The following RPS6KC1 variants were observed in gnomAD, a reference collection of about 807,000 sequenced individuals.
The protein encoded by RPS6KC1 is inactive ribosomal protein S6 kinase delta-1.
A neutral mutation model predicts 103.8 loss-of-function variants in RPS6KC1; 54 were observed. The observed-to-expected ratio is 0.52, with a 90% CI of 0.42 to 0.65. The LOEUF (loss-of-function observed/expected upper bound fraction) is 0.65, where lower values mean the gene tolerates loss of function less well. Among genes scored for constraint, RPS6KC1 ranks in the 30% least tolerant of loss-of-function variants. The probability of loss-of-function intolerance (pLI) is 0.00; values close to 1 mark genes in which losing one functional copy is unlikely to be tolerated. For missense variants in RPS6KC1, 1,151 were observed against 1,253.8 expected, an observed-to-expected ratio of 0.92 and a Z score of 1.24; for synonymous variants, 439 against 438.7, an observed-to-expected ratio of 1.00 and a Z score of -0.01.
the RPS6KC1 span, among the ~76,000 whole-genome samples, chr1:213,517,529 T>A: frequency 1.3e-5 from 2 of 152,214 alleles, no homozygotes; most frequent in South Asian, 4.1e-4. Flanking sequence ...TTCCATGTAG[T>A]TGAGCAGTTT....
the RPS6KC1 span, among the ~76,000 whole-genome samples, chr1:213,789,221 C>A: frequency 6.6e-6 from 1 of 152,296 alleles, no homozygotes; most frequent in Non-Finnish European, 1.5e-5. Context: ...TTAATTATGT[C>A]TTTCTTCTCT....
the RPS6KC1 span, among the ~76,000 whole-genome samples, chr1:213,767,802 G>C: frequency 1.2e-4 from 19 of 152,336 alleles, no homozygotes; most frequent in Non-Finnish European, 2.2e-4. Flanking sequence ...CGTGGTTAGT[G>C]AATGATGGTG....
chr1:213,130,772 C>T (rs919500179), intron 6 of RPS6KC1, among the ~76,000 whole-genome samples: 1 of 152,114 alleles, frequency 6.6e-6, no homozygotes, highest in Non-Finnish European at 1.5e-5. Context: ...TGCTTCTTAA[C>T]CAGGATTTTG....
the RPS6KC1 span, among the ~76,000 whole-genome samples, chr1:213,308,241 G>C: frequency 6.6e-6 from 1 of 150,528 alleles, no homozygotes; most frequent in Admixed American, 6.6e-5. Flanking sequence ...TTGAACCCAG[G>C]AGGCAGAGGT....
the RPS6KC1 span, among the ~76,000 whole-genome samples, chr1:213,491,420 T>C: frequency 6.6e-6 from 1 of 152,106 alleles, no homozygotes; most frequent in Non-Finnish European, 1.5e-5. Context: ...TAGTAGTGTA[T>C]ACCTGTGATC....
the RPS6KC1 span, among the ~76,000 whole-genome samples, chr1:213,380,785 C>T: frequency 6.6e-6 from 1 of 152,172 alleles, no homozygotes; most frequent in Non-Finnish European, 1.5e-5. Flanking sequence ...GTTCTTCTTC[C>T]TCGTCTCAGT....
chr1:213,329,837 C>G, the RPS6KC1 span, among the ~76,000 whole-genome samples: 1 of 152,210 alleles, frequency 6.6e-6, no homozygotes, highest in South Asian at 2.1e-4. Context: ...TGGACCCCCC[C>G]AACCCCTCCC....
chr1:213,714,261 T>C, the RPS6KC1 span, among the ~76,000 whole-genome samples: 2 of 152,228 alleles, frequency 1.3e-5, no homozygotes, highest in Admixed American at 1.3e-4. Context: ...GGCACGCTAA[T>C]GTTATATAGA....
chr1:213,216,824 G>A (rs1411873025), intron 8 of RPS6KC1, among the ~76,000 whole-genome samples: 1 of 152,092 alleles, frequency 6.6e-6, no homozygotes, highest in Non-Finnish European at 1.5e-5. Context: ...TCAAACCAAC[G>A]AGAACAAAGA....
At chr1:213,815,723 G>C in the RPS6KC1 span, among the ~76,000 whole-genome samples, 2 of 152,164 alleles carry the variant, frequency 1.3e-5, no homozygotes, top group East Asian at 3.9e-4. Context: ...CTCGCTATTA[G>C]CAAAAGGCTG....
At chr1:213,798,163 A>G in the RPS6KC1 span, among the ~76,000 whole-genome samples, 1 of 152,158 alleles carries the variant, frequency 6.6e-6, no homozygotes, top group Non-Finnish European at 1.5e-5. Flanking sequence ...GGCCCCAAAG[A>G]AAGCAAATAA....
intron 5 of RPS6KC1, among the ~76,000 whole-genome samples, chr1:213,123,016 A>T (rs1478779683): frequency 1.3e-5 from 2 of 152,188 alleles, no homozygotes; most frequent in Non-Finnish European, 2.9e-5. Context: ...AATAACAGAA[A>T]ATTCATGGTA....
At chr1:213,479,796 A>T in the RPS6KC1 span, among the ~76,000 whole-genome samples, 19 of 150,762 alleles carry the variant, frequency 1.3e-4, no homozygotes, top group African/African-American at 4.4e-4. Context: ...ATTAAATAGA[A>T]TTTTTTACAT....
At chr1:213,512,855 A>G in the RPS6KC1 span, among the ~76,000 whole-genome samples, 1 of 152,188 alleles carries the variant, frequency 6.6e-6, no homozygotes, top group Non-Finnish European at 1.5e-5. Context: ...AGTTCAAAAC[A>G]CTGGTGACAG....
At chr1:213,614,174 A>G in the RPS6KC1 span, among the ~76,000 whole-genome samples, 3 of 152,188 alleles carry the variant, frequency 2.0e-5, no homozygotes, top group Non-Finnish European at 4.4e-5. Flanking sequence ...GAAGTGGCTC[A>G]CCCAAAGTCA....
chr1:213,202,142 T>G (rs2093185889), intron 8 of RPS6KC1, among the ~76,000 whole-genome samples: 1 of 152,122 alleles, frequency 6.6e-6, no homozygotes, highest in Non-Finnish European at 1.5e-5. Context: ...TAAACTCAGG[T>G]CTCTTTCCAA....
the RPS6KC1 span, among the ~76,000 whole-genome samples, chr1:213,356,178 G>A: frequency 3.3e-5 from 5 of 152,266 alleles, no homozygotes; most frequent in South Asian, 2.1e-4. Flanking sequence ...CAATGAGGGC[G>A]ATGTGTGGTA....
the RPS6KC1 span, among the ~76,000 whole-genome samples, chr1:213,527,839 A>G: frequency 6.6e-6 from 1 of 152,220 alleles, no homozygotes; most frequent in East Asian, 1.9e-4. Context: ...CTTATCAATA[A>G]TAGAAATAGA....
chr1:213,677,879 A>G, the RPS6KC1 span, among the ~76,000 whole-genome samples: 1 of 151,998 alleles, frequency 6.6e-6, no homozygotes, highest in East Asian at 1.9e-4. Flanking sequence ...GGTGGTGGGC[A>G]CCTGTAATCC....
Sources: gnomAD v4.1 joint callset for allele counts (sites outside exome capture counted in the v4.1 genomes callset) on GRCh38, gnomAD v4.1.1 for gene constraint, MANE v1.5 for transcripts, NCBI Gene and HGNC (gene_info 2026-07-23, HGNC 2026-07-21) for gene names.